The following SLC14A2 variants were observed in gnomAD, a reference collection of about 807,000 sequenced individuals.
SLC14A2 encodes solute carrier family 14 member 2.
SLC14A2 carries 91 observed loss-of-function variants against 104.6 expected under a neutral mutation model. The observed-to-expected ratio is 0.87, with a 90% CI of 0.73 to 1.04. SLC14A2 has a LOEUF of 1.04. Among genes scored for constraint, SLC14A2 ranks in the 50% least tolerant of loss-of-function variants. SLC14A2 has a pLI of 0.00. For missense variants in SLC14A2, 1,189 were observed against 1,156.0 expected (o/e 1.03, Z -0.41); for synonymous variants, 476 against 466.4 (o/e 1.02, Z -0.27).
chr18:45,554,167 A>G (rs2044095417), intron 2 of SLC14A2, among the ~76,000 whole-genome samples: 1 of 152,194 alleles, frequency 6.6e-6, no homozygotes, highest in South Asian at 2.1e-4. Flanking sequence ...CCCCTTCAAC[A>G]TCCCCACTGG....
intron 1 of SLC14A2, among the ~76,000 whole-genome samples, chr18:45,314,799 G>A (rs754143369): frequency 1.1e-4 from 17 of 152,196 alleles, no homozygotes; most frequent in Non-Finnish European, 1.9e-4. Context: ...TAGCAATAAA[G>A]CAACCACAAG....
the SLC14A2 span, among the ~76,000 whole-genome samples, chr18:45,185,285 T>C: frequency 1.3e-5 from 2 of 152,218 alleles, no homozygotes; most frequent in Non-Finnish European, 2.9e-5. Flanking sequence ...TTGGAGGTTG[T>C]GCACACATTG....
chr18:45,412,554 C>T (rs547630212), intron 1 of SLC14A2, among the ~76,000 whole-genome samples: 3 of 152,170 alleles, frequency 2.0e-5, no homozygotes, highest in Admixed American at 2.0e-4. Context: ...CCTCACCCCC[C>T]AGAGGAATCA....
intron 12 of SLC14A2, 126 bp from the exon 13 acceptor site, chr18:45,666,809 T>A: frequency 6.6e-6 from 5 of 758,758 alleles, no homozygotes; most frequent in Non-Finnish European, 6.4e-6. Flanking sequence ...AACAGGGAGG[T>A]TAAACAGCAA....
intron 1 of SLC14A2, among the ~76,000 whole-genome samples, chr18:45,475,131 A>G (rs1377788658): frequency 6.6e-6 from 1 of 152,172 alleles, no homozygotes; most frequent in Non-Finnish European, 1.5e-5. Context: ...TAATTTCGTT[A>G]TGTACCCAGT....
chr18:45,180,906 G>A, the SLC14A2 span: 1 of 152,178 alleles, frequency 6.6e-6, no homozygotes, highest in African/African-American at 2.4e-5. Context: ...GGGAAGCAAT[G>A]TATTATTCAG....
chr18:45,640,562 C>T (rs748406673), intron 7 of SLC14A2, among the ~76,000 whole-genome samples: 17 of 152,160 alleles, frequency 1.1e-4, no homozygotes, highest in Non-Finnish European at 2.4e-4. Flanking sequence ...CTCTTTCTGA[C>T]AACAGAGTCA....
At chr18:45,168,166 C>A in the SLC14A2 span, among the ~76,000 whole-genome samples, 10 of 152,322 alleles carry the variant, frequency 6.6e-5, no homozygotes, top group East Asian at 5.8e-4. Flanking sequence ...GTGTCATCCT[C>A]ATCAAGCTTT....
intron 1 of SLC14A2, among the ~76,000 whole-genome samples, chr18:45,301,439 C>G (rs1018561173): frequency 4.6e-5 from 7 of 152,208 alleles, no homozygotes; most frequent in African/African-American, 1.7e-4. Context: ...GAGTCCCACC[C>G]ACCCTAGCTA....
intron 2 of SLC14A2, among the ~76,000 whole-genome samples, chr18:45,545,466 A>G (rs1342553614): frequency 6.6e-6 from 1 of 152,196 alleles, no homozygotes; most frequent in East Asian, 1.9e-4. Flanking sequence ...TTGTCCTCAT[A>G]TGTCTATCAA....
At position 45,509,999 on chromosome 18, in the gene SLC14A2, CCT is replaced by C. The variant is rs370012127; in HGVS notation, c.-35+26678_-35+26679del. ...GGAGGGGTTGCCCATAATCCTACCC[CCT>C]GTTAGGGGCAGAGCCAAGCCCCAAA... On this transcript the variant is annotated intron_variant, in intron 2 of 20. Transcript: ENST00000586448. Among the ~76,000 whole-genome samples, 68 of 152,320 alleles carry C rather than the reference CCT, an allele frequency of 4.5e-4. 2 individuals carry two copies. The South Asian group carries it at 0.014, about 31-fold the overall frequency.
chr18:45,375,209 TGG>T (rs1486683645), intron 1 of SLC14A2, among the ~76,000 whole-genome samples: 2 of 152,188 alleles, frequency 1.3e-5, no homozygotes, highest in African/African-American at 4.8e-5. Flanking sequence ...CCTTCTTGCC[TGG>T]GGACTAGACT....
At chr18:45,644,693 G>A (rs1266738263) in intron 10 of SLC14A2, among the ~76,000 whole-genome samples, 57 of 152,012 alleles carry the variant, frequency 3.7e-4, no homozygotes, top group Admixed American at 3.7e-3. Context: ...ATTGGGGCAG[G>A]GAATTATCTA....
At position 45,637,112 on chromosome 18, in the gene SLC14A2, T is replaced by TC. The variant is rs2045429852; in HGVS notation, c.777dup (p.Thr260HisfsTer38). 7.4e-6 allele frequency: 12 copies of TC among 1,614,164 alleles called. No homozygotes were observed. Among genetic ancestry groups the TC allele is most frequent in the Non-Finnish European group, 1.0e-5 (12 of 1,180,016 alleles). On this transcript the variant is annotated frameshift_variant, in exon 6 of 20. Coordinates refer to ENST00000255226, the MANE Select transcript of SLC14A2 (RefSeq NM_007163.4). LOFTEE classifies it high-confidence loss of function. ...GCCACAGGCCACTACAACCTCTTCT[T>TC]CCCCACAACACTGGTAGAGCCTGTG...
chr18:45,402,980 C>T (rs1341435849), intron 1 of SLC14A2, among the ~76,000 whole-genome samples: 1 of 152,162 alleles, frequency 6.6e-6, no homozygotes, highest in Non-Finnish European at 1.5e-5. Context: ...TTCAGTATCA[C>T]CTAACAGGAT....
intron 2 of SLC14A2, among the ~76,000 whole-genome samples, chr18:45,561,206 G>T (rs1216015131): frequency 6.6e-6 from 1 of 152,116 alleles, no homozygotes; most frequent in East Asian, 1.9e-4. Flanking sequence ...ACAGCTGTAG[G>T]GAGGACATTC....
intron 2 of SLC14A2, among the ~76,000 whole-genome samples, chr18:45,561,053 A>G (rs955470852): frequency 9.2e-5 from 14 of 152,212 alleles, no homozygotes; most frequent in African/African-American, 3.4e-4. Flanking sequence ...GTGTGGTGAA[A>G]GACAAAATAA....
At chr18:45,368,463 G>A (rs566531824) in intron 1 of SLC14A2, among the ~76,000 whole-genome samples, 1 of 152,304 alleles carries the variant, frequency 6.6e-6, no homozygotes, top group East Asian at 1.9e-4. Flanking sequence ...AGACTGAGAT[G>A]TGGCTGGAGT....
At chr18:45,399,500 G>A (rs909027449) in intron 1 of SLC14A2, among the ~76,000 whole-genome samples, 4 of 152,234 alleles carry the variant, frequency 2.6e-5, no homozygotes, top group East Asian at 1.9e-4. Flanking sequence ...TCTAGCTGGG[G>A]TCCATTGATA....
Sources: allele counts gnomAD v4.1 joint callset (sites outside exome capture counted in the v4.1 genomes callset), GRCh38; gene constraint gnomAD v4.1.1; transcripts MANE v1.5; gene names NCBI Gene and HGNC (gene_info 2026-07-23, HGNC 2026-07-21).